The following LINGO2 variants were observed in gnomAD, a reference collection of about 807,000 sequenced individuals.
LINGO2 encodes leucine-rich repeat and immunoglobulin-like domain-containing nogo receptor-interacting protein 2.
Under a neutral mutation model 30.6 loss-of-function variants are expected in LINGO2, and 14 were observed. That is an observed-to-expected ratio of 0.46 (90% confidence interval 0.30 to 0.72). The LOEUF (loss-of-function observed/expected upper bound fraction) is 0.72. LINGO2 is among the 30% of genes least tolerant of loss of function. LINGO2 has a pLI of 0.07. For synonymous variants in LINGO2, 317 were observed against 288.5 expected (o/e 1.10, Z -1.00); for missense variants, 729 against 751.7 (o/e 0.97, Z 0.35).
At chr9:28,829,193 G>A in the LINGO2 span, among the ~76,000 whole-genome samples, 1 of 152,150 alleles carries the variant, frequency 6.6e-6, no homozygotes, top group Non-Finnish European at 1.5e-5. Context: ...CTTCCTAGAA[G>A]AGTCCTACTA....
intron 2 of LINGO2, among the ~76,000 whole-genome samples, chr9:28,386,283 G>T (rs1434739837): frequency 6.6e-6 from 1 of 152,122 alleles, no homozygotes; most frequent in Non-Finnish European, 1.5e-5. Context: ...TTCTAGCTGG[G>T]CAAGTTTTCT....
chr9:28,486,113 T>G (rs1032045188), intron 1 of LINGO2, among the ~76,000 whole-genome samples: 2 of 152,134 alleles, frequency 1.3e-5, no homozygotes, highest in Non-Finnish European at 2.9e-5. Context: ...CAATTTAGTA[T>G]GGATGAGGAG....
chr9:28,812,511 A>G, the LINGO2 span, among the ~76,000 whole-genome samples: 1 of 152,266 alleles, frequency 6.6e-6, no homozygotes, highest in East Asian at 1.9e-4. Context: ...GCAAATTCCT[A>G]TGCTTAATGG....
the LINGO2 span, among the ~76,000 whole-genome samples, chr9:28,780,830 A>ATGTGTGTGTGTGTGTGTGTGTG: frequency 7.8e-6 from 1 of 127,422 alleles, no homozygotes; most frequent in African/African-American, 2.7e-5. Flanking sequence ...CTTGGTAGTA[A>ATGTGTGTGTGTGTGTGTGTGTG]TGTGTGTGTG....
the LINGO2 span, among the ~76,000 whole-genome samples, chr9:29,069,348 T>C: frequency 6.6e-6 from 1 of 151,968 alleles, no homozygotes; most frequent in East Asian, 1.9e-4. Context: ...TCAAAATGGA[T>C]ATCAATTAGT....
At chr9:28,704,505 C>G in the LINGO2 span, among the ~76,000 whole-genome samples, 1 of 151,862 alleles carries the variant, frequency 6.6e-6, no homozygotes, top group Non-Finnish European at 1.5e-5. Context: ...CATATTGCTT[C>G]TAAGATTTCT....
At chr9:28,422,197 C>T (rs1045560126) in intron 2 of LINGO2, among the ~76,000 whole-genome samples, 4 of 151,932 alleles carry the variant, frequency 2.6e-5, no homozygotes, top group African/African-American at 9.7e-5. Flanking sequence ...AATTGTGCAT[C>T]AAATGACACT....
chr9:28,367,145 A>G (rs989571732), intron 3 of LINGO2, among the ~76,000 whole-genome samples: 7 of 152,204 alleles, frequency 4.6e-5, no homozygotes, highest in African/African-American at 1.7e-4. Context: ...TAATATTATC[A>G]GCTCAATAAT....
rs145018565 is a variant in LINGO2 at position 28,039,233 on chromosome 9, G to C, written c.-86-26828C>G. Reference sequence around the variant, plus strand: ...TTGTTTTCTATAAATGTTTCCCAGAGGAATAAGGCTGCACCCTTAATTTTA... The same window carrying C: ...TTGTTTTCTATAAATGTTTCCCAGACGAATAAGGCTGCACCCTTAATTTTA... On this transcript the variant is annotated intron_variant, in intron 4 of 5. Transcript: ENST00000379992. Among the ~76,000 whole-genome samples the C allele has an allele frequency of 2.0e-3, 304 of 152,232 alleles. 2 individuals are homozygous for C. Among genetic ancestry groups the C allele is most frequent in the Middle Eastern group, 0.017 (5 of 292 alleles).
chr9:29,066,665 G>T, the LINGO2 span, among the ~76,000 whole-genome samples: 2 of 152,018 alleles, frequency 1.3e-5, no homozygotes, highest in East Asian at 3.9e-4. Flanking sequence ...AAAGGCAAGG[G>T]TGGTGATATA....
chr9:28,484,776 A>T (rs550790372), intron 1 of LINGO2, among the ~76,000 whole-genome samples: 1 of 152,202 alleles, frequency 6.6e-6, no homozygotes, highest in African/African-American at 2.4e-5. Flanking sequence ...GGAACTTTAC[A>T]ATATTAATGG....
chr9:28,267,248 C>A (rs1822784508), intron 4 of LINGO2, among the ~76,000 whole-genome samples: 1 of 151,898 alleles, frequency 6.6e-6, no homozygotes, highest in South Asian at 2.1e-4. Context: ...GTGTTTAAAT[C>A]CATTACAATA....
the LINGO2 span, among the ~76,000 whole-genome samples, chr9:28,983,340 G>C: frequency 6.9e-6 from 1 of 145,074 alleles, no homozygotes; most frequent in South Asian, 2.1e-4. Flanking sequence ...AAAAAGAACT[G>C]ATGATTAAGC....
intron 4 of LINGO2, among the ~76,000 whole-genome samples, chr9:28,019,255 A>G (rs563459462): frequency 6.6e-6 from 1 of 150,746 alleles, no homozygotes; most frequent in South Asian, 2.2e-4. Context: ...CTACACATAT[A>G]CTGCTGAACC....
intron 4 of LINGO2, among the ~76,000 whole-genome samples, chr9:28,048,021 ATTAGACATTAAAC>A (rs1824504761): frequency 6.7e-6 from 1 of 150,262 alleles, no homozygotes; most frequent in Non-Finnish European, 1.5e-5. Context: ...ATCTAATCAC[ATTAGACATTAAAC>A]TTACAAAGAA....
At chr9:28,473,413 A>G (rs116083209) in intron 2 of LINGO2, among the ~76,000 whole-genome samples, 1 of 150,876 alleles carries the variant, frequency 6.6e-6, no homozygotes, top group Non-Finnish European at 1.5e-5. Flanking sequence ...TCTCTCTCTC[A>G]CACACACACA....
At chr9:28,988,110 C>A in the LINGO2 span, among the ~76,000 whole-genome samples, 1 of 151,998 alleles carries the variant, frequency 6.6e-6, no homozygotes, top group Non-Finnish European at 1.5e-5. Context: ...GATGAATGGT[C>A]CTTTATTGAA....
rs375878683 is a variant in LINGO2, at chr9:28,632,271, T to C, written c.-365+37929A>G. Among the ~76,000 whole-genome samples the C allele has an allele frequency of 3.3e-5, 5 of 152,054 alleles. No homozygotes were observed. In the South Asian group the frequency reaches 8.3e-4, roughly 25 times the overall value. On this transcript the variant is annotated intron_variant, in intron 1 of 5. Transcript: ENST00000379992. ...TAAAGTGGGAGAGAGCAATCAAATA[T>C]AAAAATGGAAAGGAAAAGCCTTGAC... is the stretch of plus-strand genomic sequence containing the variant.
the LINGO2 span, among the ~76,000 whole-genome samples, chr9:28,865,646 T>C: frequency 6.6e-6 from 1 of 152,078 alleles, no homozygotes; most frequent in Non-Finnish European, 1.5e-5. Context: ...TGGCCGGGCA[T>C]AGTGGCTTGC....
Sources: allele counts gnomAD v4.1 joint callset (sites outside exome capture counted in the v4.1 genomes callset), GRCh38; gene constraint gnomAD v4.1.1; transcripts MANE v1.5; gene names NCBI Gene and HGNC (gene_info 2026-07-23, HGNC 2026-07-21).